Variants in PTK2 observed in about 807,000 individuals in gnomAD.
The protein encoded by PTK2 is protein tyrosine kinase 2.
A neutral mutation model predicts 150.1 loss-of-function variants in PTK2; 45 were observed. That is an observed-to-expected ratio of 0.30 (90% CI 0.24 to 0.38). PTK2 has a LOEUF of 0.38. Ranked by LOEUF, PTK2 falls within the 10% of genes least tolerant of loss-of-function variation. PTK2 has a pLI of 1.00. For missense variants in PTK2, 919 were observed against 1,307.3 expected (o/e 0.70, Z 4.58); for synonymous variants, 432 against 449.2 (o/e 0.96, Z 0.48).
At chr8:140,888,652 A>G (rs1294832265) in intron 3 of PTK2, among the ~76,000 whole-genome samples, 1 of 152,264 alleles carries the variant, frequency 6.6e-6, no homozygotes, top group South Asian at 2.1e-4. Flanking sequence ...ACATGCCTGC[A>G]GTGACACTGA....
chr8:140,782,829 G>C (rs2100082611), intron 14 of PTK2, among the ~76,000 whole-genome samples: 1 of 152,126 alleles, frequency 6.6e-6, no homozygotes, highest in Non-Finnish European at 1.5e-5. Flanking sequence ...AGTTGGAACT[G>C]AGTCAGCACT....
rs1157109173 is a variant in PTK2 at position 140,660,612 on chromosome 8, GC to G, written c.2947-935del. 3.5e-5 allele frequency: 16 copies of G among 455,280 alleles called. No homozygotes were observed. In the Admixed American group the frequency reaches 3.5e-4, roughly 10 times the overall value. The allele number at this position is 455,280 out of a possible 1,614,324, so 28.2% of individuals were successfully genotyped here. On this transcript the variant is annotated intron_variant, in intron 31 of 31. Coordinates refer to ENST00000522684, the Ensembl canonical transcript of PTK2. ...ATGGTGGTGTGCACCTGTATTCCAA[GC>G]TACTCAGGAGGCTGACGTGGGAGGA...
chr8:140,901,594 T>C (rs973778549), intron 2 of PTK2, among the ~76,000 whole-genome samples: 12 of 150,364 alleles, frequency 8.0e-5, no homozygotes, highest in Non-Finnish European at 1.8e-4. Flanking sequence ...GGAGGTACAA[T>C]GAGCTAAAAT....
chr8:140,924,847 T>C (rs1274025007), intron 2 of PTK2, among the ~76,000 whole-genome samples: 2 of 152,168 alleles, frequency 1.3e-5, no homozygotes, highest in Non-Finnish European at 2.9e-5. Context: ...ACCGCAAATT[T>C]TAATAGAGCA....
intron 20 of PTK2, among the ~76,000 whole-genome samples, chr8:140,742,255 T>C (rs1163222520): frequency 1.3e-5 from 2 of 152,212 alleles, no homozygotes; most frequent in African/African-American, 4.8e-5. Context: ...ACCAGCCGCA[T>C]CTGGTGTAAG....
At chr8:140,862,718 G>A (rs1479869976) in intron 5 of PTK2, among the ~76,000 whole-genome samples, 1 of 152,144 alleles carries the variant, frequency 6.6e-6, no homozygotes, top group Non-Finnish European at 1.5e-5. Context: ...TTTCATAGGA[G>A]CGCAAACCCT....
intron 12 of PTK2, 34 bp downstream of exon 12, chr8:140,800,425 G>T: frequency 2.0e-6 from 3 of 1,529,892 alleles, no homozygotes; most frequent in South Asian, 1.1e-5. Context: ...TTTGGTAGAA[G>T]CGCAATTGGG....
At chr8:140,701,100 C>A in intron 25 of PTK2, 78 bp from the exon 29 acceptor site, 3 of 1,448,436 alleles carry the variant, frequency 2.1e-6, no homozygotes, top group South Asian at 1.4e-5. Context: ...ATGTGTCTTT[C>A]AAGAAAAGAT....
intron 10 of PTK2, among the ~76,000 whole-genome samples, chr8:140,815,951 A>C (rs1486068009): frequency 1.3e-5 from 2 of 152,194 alleles, no homozygotes; most frequent in East Asian, 1.9e-4. Context: ...GATAAATTAA[A>C]ATCTAAAACA....
intron 1 of PTK2, among the ~76,000 whole-genome samples, chr8:140,944,941 T>C (rs1157177834): frequency 6.6e-6 from 1 of 152,214 alleles, no homozygotes; most frequent in Non-Finnish European, 1.5e-5. Flanking sequence ...TTGGCTTAAT[T>C]TTCTCTATAT....
At chr8:140,750,152 T>A (rs2100061844) in intron 17 of PTK2, 1 of 152,196 alleles carries the variant, frequency 6.6e-6, no homozygotes, top group Non-Finnish European at 1.5e-5. Flanking sequence ...GTTTCAGGAA[T>A]AGGATTAAGG....
chr8:140,994,687 C>T (rs1336732713), intron 1 of PTK2, among the ~76,000 whole-genome samples: 1 of 152,112 alleles, frequency 6.6e-6, no homozygotes, highest in Non-Finnish European at 1.5e-5. Context: ...GGACCATGAC[C>T]TGTACCCACA....
intron 27 of PTK2, chr8:140,675,705 G>T: frequency 1.9e-6 from 1 of 530,126 alleles, no homozygotes; most frequent in Non-Finnish European, 3.4e-6. Context: ...TGTGTGGAAA[G>T]GGCTGTGAGA....
intron 12 of PTK2, among the ~76,000 whole-genome samples, chr8:140,793,839 G>A (rs1307907007): frequency 6.6e-6 from 1 of 152,216 alleles, no homozygotes; most frequent in African/African-American, 2.4e-5. Context: ...ATGAATGTAT[G>A]AGAGAAGGCA....
chr8:140,880,267 T>C (rs961411460), intron 3 of PTK2, among the ~76,000 whole-genome samples: 1 of 152,214 alleles, frequency 6.6e-6, no homozygotes, highest in African/African-American at 2.4e-5. Flanking sequence ...GCCTCTAACA[T>C]GTGTTCCCTT....
At chr8:140,862,720 G>A (rs996360032) in intron 5 of PTK2, among the ~76,000 whole-genome samples, 2 of 152,132 alleles carry the variant, frequency 1.3e-5, no homozygotes, top group African/African-American at 2.4e-5. Flanking sequence ...TCATAGGAGC[G>A]CAAACCCTGT....
rs574478754 is a variant in PTK2, at chr8:140,830,563, C to T, written c.594-37G>A. Reference sequence around the variant, plus strand: ...AAAGAAGCGTATTAACAAATAACACCACCAAATCAATTAATATGACAAACT... The same window carrying T: ...AAAGAAGCGTATTAACAAATAACACTACCAAATCAATTAATATGACAAACT... On this transcript the variant is annotated intron_variant, in intron 7 of 31. Coordinates refer to ENST00000522684, the Ensembl canonical transcript of PTK2. 5.0e-6 allele frequency: 6 copies of T among 1,196,132 alleles called. No individual in the cohort carries two copies. The South Asian group carries it at 9.0e-5, about 18-fold the overall frequency. 74.1% of individuals were successfully genotyped at this position (1,196,132 alleles called of 1,614,324 possible).
At chr8:140,719,522 C>T (rs866150010) in intron 22 of PTK2, among the ~76,000 whole-genome samples, 6 of 152,088 alleles carry the variant, frequency 3.9e-5, no homozygotes, top group African/African-American at 1.2e-4. Context: ...ATCAGAAGAG[C>T]GCTCCCCTCC....
At chr8:140,858,263 G>C (rs1273976381) in intron 5 of PTK2, among the ~76,000 whole-genome samples, 1 of 151,860 alleles carries the variant, frequency 6.6e-6, no homozygotes, top group East Asian at 1.9e-4. Context: ...TGGAGAGACT[G>C]AGGAGTTCTA....
Sources: allele counts gnomAD v4.1 joint callset (sites outside exome capture counted in the v4.1 genomes callset), GRCh38; gene constraint gnomAD v4.1.1; transcripts MANE v1.5; gene names NCBI Gene and HGNC (gene_info 2026-07-23, HGNC 2026-07-21).